Variants in RABGAP1L observed in about 807,000 individuals in gnomAD.
RABGAP1L encodes rab GTPase-activating protein 1-like.
Under a neutral mutation model 137.7 loss-of-function variants are expected in RABGAP1L, and 63 were observed. The observed-to-expected ratio is 0.46, with a 90% CI of 0.37 to 0.56. RABGAP1L has a LOEUF of 0.56. RABGAP1L is among the 20% of genes least tolerant of loss of function. The probability of loss-of-function intolerance (pLI) is 0.00; values close to 1 mark genes in which losing one functional copy is unlikely to be tolerated. For missense variants in RABGAP1L, 1,095 were observed against 1,244.0 expected, an observed-to-expected ratio of 0.88 and a Z score of 1.80; for synonymous variants, 431 against 433.7, an observed-to-expected ratio of 0.99 and a Z score of 0.08.
At chr1:174,886,047 C>G (rs1293075182) in intron 19 of RABGAP1L, among the ~76,000 whole-genome samples, 1 of 137,094 alleles carries the variant, frequency 7.3e-6, no homozygotes, top group Non-Finnish European at 1.5e-5. Context: ...GAGTTTTGCT[C>G]TTGTTGCCCA....
At chr1:174,638,285 G>A (rs955757117) in intron 14 of RABGAP1L, among the ~76,000 whole-genome samples, 1 of 152,170 alleles carries the variant, frequency 6.6e-6, no homozygotes, top group African/African-American at 2.4e-5. Flanking sequence ...GTAATGAGTA[G>A]CAAATATTAG....
chr1:174,796,901 T>C (rs1396420575), intron 18 of RABGAP1L, among the ~76,000 whole-genome samples: 1 of 151,662 alleles, frequency 6.6e-6, no homozygotes, highest in Non-Finnish European at 1.5e-5. Context: ...CAGCTACTCG[T>C]GGGGCTGAGG....
intron 13 of RABGAP1L, among the ~76,000 whole-genome samples, chr1:174,571,173 A>G (rs936697924): frequency 3.3e-5 from 5 of 152,212 alleles, no homozygotes; most frequent in Non-Finnish European, 7.3e-5. Flanking sequence ...AGACACAGAA[A>G]GACAAACATC....
At chr1:174,492,463 T>C (rs186800338) in intron 13 of RABGAP1L, among the ~76,000 whole-genome samples, 1 of 151,944 alleles carries the variant, frequency 6.6e-6, no homozygotes, top group East Asian at 1.9e-4. Context: ...ATTCTCCATC[T>C]AAGCCTCCTG....
At chr1:174,878,470 C>T (rs762552407) in intron 19 of RABGAP1L, among the ~76,000 whole-genome samples, 14 of 152,178 alleles carry the variant, frequency 9.2e-5, no homozygotes, top group Non-Finnish European at 1.8e-4. Context: ...AGGTGATCCG[C>T]CTGCCTCACC....
intron 18 of RABGAP1L, among the ~76,000 whole-genome samples, chr1:174,794,996 A>G (rs1313226131): frequency 1.3e-5 from 2 of 152,200 alleles, no homozygotes; most frequent in Non-Finnish European, 2.9e-5. Flanking sequence ...TCTGATAACC[A>G]TGACACAGTG....
At chr1:174,954,227 A>G (rs553209996) in intron 19 of RABGAP1L, 1 of 152,226 alleles carries the variant, frequency 6.6e-6, no homozygotes, top group South Asian at 2.1e-4. Context: ...CCTCTTTCAC[A>G]TTGTGCCAAT....
chr1:174,709,491 C>G (rs2148548176), intron 17 of RABGAP1L, among the ~76,000 whole-genome samples: 1 of 152,322 alleles, frequency 6.6e-6, no homozygotes, highest in East Asian at 1.9e-4. Context: ...AGACAGCGAT[C>G]TTTGCTGTTT....
chr1:174,355,486 A>C (rs995350855), intron 11 of RABGAP1L, among the ~76,000 whole-genome samples: 1 of 140,230 alleles, frequency 7.1e-6, no homozygotes, highest in African/African-American at 2.9e-5. Flanking sequence ...GTGGGGAGGG[A>C]TAGCATTAGG....
intron 3 of RABGAP1L, among the ~76,000 whole-genome samples, chr1:174,227,267 C>T: frequency 6.8e-6 from 1 of 147,290 alleles, no homozygotes. Flanking sequence ...ATGGCACGAT[C>T]TCAGCTCACT....
chr1:174,557,922 C>T (rs1666981712), intron 13 of RABGAP1L, among the ~76,000 whole-genome samples: 1 of 152,350 alleles, frequency 6.6e-6, no homozygotes, highest in Admixed American at 6.5e-5. Context: ...CAGGCAGTTC[C>T]AGTGCTACCA....
intron 15 of RABGAP1L, among the ~76,000 whole-genome samples, chr1:174,697,337 C>G (rs1181964350): frequency 6.6e-6 from 1 of 151,140 alleles, no homozygotes; most frequent in African/African-American, 2.4e-5. Flanking sequence ...TTTTCTCTCT[C>G]TCTTTTGAGA....
At chr1:174,680,194 ATTGT>A (rs1463998681) in intron 14 of RABGAP1L, among the ~76,000 whole-genome samples, 2 of 152,246 alleles carry the variant, frequency 1.3e-5, no homozygotes, top group African/African-American at 4.8e-5. Context: ...CAATGGTCCC[ATTGT>A]TTGTGTCCCC....
chr1:174,617,872 C>T (rs1275204282), intron 13 of RABGAP1L, among the ~76,000 whole-genome samples: 2 of 149,880 alleles, frequency 1.3e-5, no homozygotes, highest in African/African-American at 2.4e-5. Flanking sequence ...AAAATGGGTG[C>T]AGGACAGTGG....
At chr1:174,602,360 G>A (rs922098816) in intron 13 of RABGAP1L, among the ~76,000 whole-genome samples, 2 of 152,120 alleles carry the variant, frequency 1.3e-5, no homozygotes, top group Non-Finnish European at 2.9e-5. Flanking sequence ...TGATAAACCC[G>A]TTAGATCTCG....
intron 19 of RABGAP1L, among the ~76,000 whole-genome samples, chr1:174,936,265 C>T (rs766907163): frequency 6.6e-6 from 1 of 152,050 alleles, no homozygotes; most frequent in Middle Eastern, 3.4e-3. Context: ...CTTAGTAGTT[C>T]GAGACCAGCC....
intron 11 of RABGAP1L, among the ~76,000 whole-genome samples, chr1:174,342,359 C>T (rs1318933690): frequency 6.6e-6 from 1 of 151,970 alleles, no homozygotes; most frequent in East Asian, 1.9e-4. Context: ...CTATTTTTCC[C>T]TAGTAAGTAT....
chr1:174,567,257 G>C (rs1225309522), intron 13 of RABGAP1L, among the ~76,000 whole-genome samples: 1 of 151,926 alleles, frequency 6.6e-6, no homozygotes, highest in African/African-American at 2.4e-5. Flanking sequence ...ACTTCATATA[G>C]GTACAATTAT....
intron 1 of RABGAP1L, among the ~76,000 whole-genome samples, chr1:174,163,611 T>TAA (rs36027110): frequency 7.0e-5 from 10 of 142,650 alleles, no homozygotes; most frequent in South Asian, 4.4e-4. Flanking sequence ...CTGTTGGGCT[T>TAA]AAAAAAAAAA....
Sources: allele counts gnomAD v4.1 joint callset (sites outside exome capture counted in the v4.1 genomes callset), GRCh38; gene constraint gnomAD v4.1.1; transcripts MANE v1.5; gene names NCBI Gene and HGNC (gene_info 2026-07-23, HGNC 2026-07-21).